Variants in ST8SIA5 observed in about 807,000 individuals in gnomAD.
ST8SIA5 encodes ST8 alpha-N-acetyl-neuraminide alpha-2,8-sialyltransferase 5.
A neutral mutation model predicts 40.2 loss-of-function variants in ST8SIA5; 24 were observed. That is an observed-to-expected ratio of 0.60 (90% CI 0.43 to 0.84). ST8SIA5 has a LOEUF of 0.84. Ranked by LOEUF, ST8SIA5 falls within the 40% of genes least tolerant of loss-of-function variation. The pLI, the probability that ST8SIA5 is intolerant of heterozygous loss-of-function variation, is 0.00. For missense variants in ST8SIA5, 465 were observed against 498.5 expected (o/e 0.93, Z 0.64); for synonymous variants, 198 against 201.8 (o/e 0.98, Z 0.16).
At chr18:46,753,849 G>A (rs147160696) in intron 1 of ST8SIA5, among the ~76,000 whole-genome samples, 1 of 152,272 alleles carries the variant, frequency 6.6e-6, no homozygotes, top group East Asian at 1.9e-4. Context: ...GTCTAGAGCA[G>A]CAGGAGGAGC....
chr18:46,706,171 A>G (rs1199261605), intron 1 of ST8SIA5, among the ~76,000 whole-genome samples: 2 of 151,996 alleles, frequency 1.3e-5, no homozygotes, highest in Admixed American at 6.5e-5. Flanking sequence ...ATTTTACATA[A>G]TATTTTAAGA....
intron 1 of ST8SIA5, among the ~76,000 whole-genome samples, chr18:46,716,570 G>A (rs574239443): frequency 5.3e-5 from 8 of 152,316 alleles, no homozygotes; most frequent in Non-Finnish European, 7.3e-5. Context: ...GGTAAGACCC[G>A]GAGGGCCAAG....
At chr18:46,721,857 C>G (rs559111377) in intron 1 of ST8SIA5, among the ~76,000 whole-genome samples, 2 of 152,350 alleles carry the variant, frequency 1.3e-5, no homozygotes, top group African/African-American at 4.8e-5. Context: ...AAAAGCCAGA[C>G]ACACTTCAGA....
At chr18:46,737,007 G>A (rs576151949) in intron 1 of ST8SIA5, among the ~76,000 whole-genome samples, 26 of 152,244 alleles carry the variant, frequency 1.7e-4, no homozygotes, top group African/African-American at 5.8e-4. Flanking sequence ...TGTGCCCCAC[G>A]TCACCAGAGC....
At chr18:46,701,167 G>A (rs1398981208) in intron 2 of ST8SIA5, among the ~76,000 whole-genome samples, 2 of 102,098 alleles carry the variant, frequency 2.0e-5, no homozygotes, top group Non-Finnish European at 3.6e-5. Context: ...TTTAGGTGGT[G>A]TCTTGCTCTG....
Position 46,688,816 on chromosome 18 carries a change from T to C in ST8SIA5, c.415A>G (p.Ile139Val), listed in dbSNP as rs2039473880. Reference sequence around the variant, plus strand: ...AAGATCTCCTGGTTGATGTGGTAGATGCCACTGGTGTCCACCTCATACTTG... The same window carrying C: ...AAGATCTCCTGGTTGATGTGGTAGACGCCACTGGTGTCCACCTCATACTTG... Reference protein sequence around the residue: ...KLKYEVDTSGIYHINQEIFRM... With the variant: ...KLKYEVDTSGVYHINQEIFRM... Residue 139 changes from isoleucine to valine, a missense_variant, in exon 4 of 7, where the codon ATC (isoleucine) becomes GTC (valine). Coordinates refer to ENST00000315087, the MANE Select transcript of ST8SIA5 (RefSeq NM_013305.6). 7.4e-6 allele frequency: 12 copies of C among 1,613,908 alleles called. No homozygotes were observed. The highest frequency in any genetic ancestry group is 1.0e-5 in the Non-Finnish European group (12 of 1,179,958).
At chr18:46,725,972 A>AAATATATATATAC (rs59660372) in intron 1 of ST8SIA5, among the ~76,000 whole-genome samples, 1 of 29,096 alleles carries the variant, frequency 3.4e-5, no homozygotes, top group African/African-American at 1.5e-4. Flanking sequence ...AAAAAAAAAA[A>AAATATATATATAC]ATATATATAT....
intron 1 of ST8SIA5, among the ~76,000 whole-genome samples, chr18:46,715,331 G>C (rs375508049): frequency 6.6e-6 from 1 of 152,196 alleles, no homozygotes; most frequent in South Asian, 2.1e-4. Context: ...TGCCCCCAAG[G>C]GCTCCTCTTT....
chr18:46,721,754 C>T (rs931891969), intron 1 of ST8SIA5, among the ~76,000 whole-genome samples: 3 of 152,222 alleles, frequency 2.0e-5, no homozygotes, highest in Non-Finnish European at 2.9e-5. Context: ...AGACAAAGGT[C>T]GCAGAGCTCT....
intron 1 of ST8SIA5, among the ~76,000 whole-genome samples, chr18:46,748,873 A>C (rs1384271112): frequency 6.6e-6 from 1 of 152,232 alleles, no homozygotes; most frequent in Non-Finnish European, 1.5e-5. Context: ...CCATATAACC[A>C]GTTCTACTCA....
chr18:46,740,206 G>A (rs1007582446), intron 1 of ST8SIA5, among the ~76,000 whole-genome samples: 1 of 152,108 alleles, frequency 6.6e-6, no homozygotes, highest in East Asian at 1.9e-4. Flanking sequence ...AAAAGAAGTA[G>A]TAGATGCATT....
chr18:46,711,842 C>G (rs1175498774), intron 1 of ST8SIA5, among the ~76,000 whole-genome samples: 4 of 152,226 alleles, frequency 2.6e-5, no homozygotes, highest in Non-Finnish European at 5.9e-5. Flanking sequence ...CAGCCTTGAA[C>G]TTCACCTGCC....
At chr18:46,745,448 A>G (rs952943878) in intron 1 of ST8SIA5, among the ~76,000 whole-genome samples, 2 of 152,248 alleles carry the variant, frequency 1.3e-5, no homozygotes, top group Admixed American at 1.3e-4. Context: ...CCTCTACGCA[A>G]ATAAACTAGA....
chr18:46,691,318 C>G (rs999437570), intron 3 of ST8SIA5: 6 of 152,208 alleles, frequency 3.9e-5, no homozygotes, highest in African/African-American at 1.2e-4. Context: ...TGGTCTGGAG[C>G]TGCAGCAAAT....
chr18:46,708,388 C>T (rs2039689744), intron 1 of ST8SIA5, among the ~76,000 whole-genome samples: 1 of 152,204 alleles, frequency 6.6e-6, no homozygotes, highest in South Asian at 2.1e-4. Flanking sequence ...TTGATCACCT[C>T]ATCTCACTGA....
chr18:46,756,474 A>G lies in ST8SIA5; in HGVS notation c.35T>C (p.Leu12Ser), dbSNP rs752632710. The G allele has an allele frequency of 6.2e-7, 1 of 1,613,128 alleles. No individual in the cohort carries two copies. The highest frequency in any genetic ancestry group is 1.1e-5 in the South Asian group (1 of 91,048). The change falls in exon 1 of 7, where the codon TTG (leucine) becomes TCG (serine). Residue 12 changes from leucine (L) to serine (S), a missense_variant. Transcript: ENST00000315087. The part of the protein sequence containing the change: ...RYADPSANRD[L>S]LGSRTLLFIF... ...GAAGAGCAAAGTTCGGCTCCCCAAC[A>G]AATCCCGGTTGGCCGAGGGGTCCGC...
intron 1 of ST8SIA5, among the ~76,000 whole-genome samples, chr18:46,728,216 A>C (rs2039950854): frequency 6.6e-6 from 1 of 151,618 alleles, no homozygotes; most frequent in Non-Finnish European, 1.5e-5. Context: ...AAAACTATAG[A>C]GTATTATAAA....
chr18:46,680,288 G>T lies in ST8SIA5; in HGVS notation c.885C>A (p.Arg295=), dbSNP rs756325375. Reference sequence around the variant, plus strand: ...TGAGGCCGGTGCTGATGCGCTTGGCGCGCACCCCCAGGCTGAGCCAGTAGC... The same window carrying T: ...TGAGGCCGGTGCTGATGCGCTTGGCTCGCACCCCCAGGCTGAGCCAGTAGC... ...VSRYWLSLGV[R]AKRISTGLIL... The change falls in exon 7 of 7, where the codon CGC becomes CGA. Residue 295 remains arginine, a synonymous_variant. Coordinates refer to ENST00000315087, the MANE Select transcript of ST8SIA5 (RefSeq NM_013305.6). 1.2e-6 allele frequency: 2 copies of T among 1,614,100 alleles called. No homozygotes were observed. Among genetic ancestry groups the T allele is most frequent in the Non-Finnish European group, 1.7e-6 (2 of 1,180,054 alleles).
At chr18:46,734,157 A>C (rs1311661355) in intron 1 of ST8SIA5, among the ~76,000 whole-genome samples, 2 of 151,996 alleles carry the variant, frequency 1.3e-5, no homozygotes, top group Non-Finnish European at 2.9e-5. Context: ...GAACGGGCGC[A>C]ATGACCAGGT....
Sources: allele counts gnomAD v4.1 joint callset (sites outside exome capture counted in the v4.1 genomes callset), GRCh38; gene constraint gnomAD v4.1.1; transcripts MANE v1.5; gene names NCBI Gene and HGNC (gene_info 2026-07-23, HGNC 2026-07-21).